STEAP3: variants seen among roughly 807,000 people sequenced by gnomAD.
STEAP3 encodes the protein STEAP3 metalloreductase, also known as metalloreductase STEAP3.
STEAP3 carries 35 observed loss-of-function variants against 34.9 expected under a neutral mutation model. That is an observed-to-expected ratio of 1.00 (90% CI 0.76 to 1.33). STEAP3 has a LOEUF of 1.33. Ranked by LOEUF, STEAP3 falls within the 40% of genes most tolerant of loss-of-function variation. The pLI is 0.00. For missense variants in STEAP3, 652 were observed against 667.6 expected, an observed-to-expected ratio of 0.98 and a Z score of 0.26; for synonymous variants, 281 against 301.6, an observed-to-expected ratio of 0.93 and a Z score of 0.71.
At chr2:119,262,335 TACAC>T (rs3054837) in intron 5 of STEAP3, among the ~76,000 whole-genome samples, 18 of 150,156 alleles carry the variant, frequency 1.2e-4, no homozygotes, top group South Asian at 2.1e-4. Context: ...GTAAAATTTA[TACAC>T]ACACACACAC....
chr2:119,228,389 G>A (rs1327406055), intron 1 of STEAP3, among the ~76,000 whole-genome samples: 2 of 152,196 alleles, frequency 1.3e-5, no homozygotes, highest in Admixed American at 6.5e-5. Context: ...GCCCAGGCCT[G>A]CACATGAGTC....
intron 1 of STEAP3, among the ~76,000 whole-genome samples, chr2:119,227,448 C>A (rs1679076846): frequency 6.6e-6 from 1 of 152,210 alleles, no homozygotes; most frequent in African/African-American, 2.4e-5. Context: ...GTTCGATACT[C>A]AACTCTTCCC....
intron 5 of STEAP3, among the ~76,000 whole-genome samples, chr2:119,262,585 C>T (rs1373825413): frequency 6.6e-6 from 1 of 152,044 alleles, no homozygotes; most frequent in African/African-American, 2.4e-5. Context: ...ACTATGTTGC[C>T]CAGGGTGGTC....
chr2:119,255,614 G>A (rs931061987), intron 5 of STEAP3, among the ~76,000 whole-genome samples: 9 of 151,980 alleles, frequency 5.9e-5, no homozygotes, highest in African/African-American at 4.8e-5. Flanking sequence ...CAAGCTGGGC[G>A]CTGTGGCATG....
rs544480532 is a variant in STEAP3 at position 119,232,870 on chromosome 2, T to G, written c.22+1836T>G. Among the ~76,000 whole-genome samples, 10 of 152,328 alleles carry G rather than the reference T, an allele frequency of 6.6e-5. No homozygotes were observed. The East Asian group carries it at 1.7e-3, about 26-fold the overall frequency. ...GCTAGTTGCATCCTGTTACCTGTGCTGCAGAGCCAAGGGGCCAGAGGCAGG... is the reference window on the plus strand; with the variant it reads ...GCTAGTTGCATCCTGTTACCTGTGCGGCAGAGCCAAGGGGCCAGAGGCAGG... On this transcript the variant is annotated intron_variant, in intron 2 of 5. Coordinates refer to ENST00000393110, the MANE Select transcript of STEAP3 (RefSeq NM_182915.3).
intron 1 of STEAP3, among the ~76,000 whole-genome samples, chr2:119,226,187 A>T (rs886789810): frequency 6.6e-6 from 1 of 152,206 alleles, no homozygotes; most frequent in Non-Finnish European, 1.5e-5. Context: ...CTACAAATGA[A>T]CAACTGAGAG....
At chr2:119,262,916 C>G in intron 5 of STEAP3, 141 bp from the exon 6 acceptor site, 1 of 1,066,890 alleles carries the variant, frequency 9.4e-7, no homozygotes, top group South Asian at 1.5e-5. Flanking sequence ...AAGAGAGTGA[C>G]AGGACTGGGG....
chr2:119,263,370 C>T lies in STEAP3; in HGVS notation c.*32C>T. ...TGCCCTGGGCTCTGGACCCCGGGCA[C>T]ACGAGGGACGGTGCCCTGAGCCCGT... is the stretch of plus-strand genomic sequence containing the variant. On this transcript the variant is annotated 3_prime_UTR_variant, in exon 6 of 6. Coordinates refer to ENST00000393110, the MANE Select transcript of STEAP3 (RefSeq NM_182915.3). The T allele has an allele frequency of 2.5e-6, 4 of 1,600,904 alleles. No individual in the cohort carries two copies. Among genetic ancestry groups the T allele is most frequent in the Non-Finnish European group, 3.4e-6 (4 of 1,174,110 alleles).
intron 2 of STEAP3, among the ~76,000 whole-genome samples, chr2:119,232,675 A>C (rs1056551871): frequency 1.3e-5 from 2 of 152,198 alleles, no homozygotes; most frequent in South Asian, 4.1e-4. Flanking sequence ...AAGACTTTGC[A>C]GAAGCTGTTA....
Position 119,254,668 on chromosome 2 carries a change from C to T in STEAP3, c.1051-16C>T, listed in dbSNP as rs777630049. On this transcript the variant is annotated splice_polypyrimidine_tract_variant and intron_variant, in intron 4 of 5. Transcript: ENST00000393110. ...CTTTGCCACAGTGTTCATGGTTTTC[C>T]TTCCATCCATGTCAGGTCTTGGCCA... 5 of 1,613,854 alleles carry T rather than the reference C, an allele frequency of 3.1e-6. No individual in the cohort carries two copies. The highest frequency in any genetic ancestry group is 2.2e-5 in the East Asian group (1 of 44,870).
intron 5 of STEAP3, among the ~76,000 whole-genome samples, chr2:119,255,667 T>A (rs1677753937): frequency 6.6e-6 from 1 of 151,512 alleles, no homozygotes; most frequent in African/African-American, 2.4e-5. Context: ...GGTGGGAGAA[T>A]CACTTGAGCT....
chr2:119,244,232 A>G (rs1372384393), intron 2 of STEAP3, among the ~76,000 whole-genome samples: 1 of 125,146 alleles, frequency 8.0e-6, no homozygotes, highest in Non-Finnish European at 1.5e-5. Flanking sequence ...TATTATTATT[A>G]TTATTATTAT....
intron 5 of STEAP3, among the ~76,000 whole-genome samples, chr2:119,256,930 A>G (rs146533117): frequency 9.2e-5 from 14 of 152,358 alleles, no homozygotes; most frequent in African/African-American, 2.9e-4. Flanking sequence ...AAAGAAAAAT[A>G]AAAAGCATTT....
intron 5 of STEAP3, among the ~76,000 whole-genome samples, chr2:119,261,231 G>A (rs1677933160): frequency 1.3e-5 from 2 of 152,218 alleles, no homozygotes; most frequent in South Asian, 2.1e-4. Flanking sequence ...CTTCTGAGGG[G>A]AGTGCAAATG....
intron 5 of STEAP3, among the ~76,000 whole-genome samples, chr2:119,260,210 TA>T (rs1301895501): frequency 6.6e-6 from 1 of 151,374 alleles, no homozygotes; most frequent in African/African-American, 2.4e-5. Flanking sequence ...GCAACACCAA[TA>T]AGTCCACAAT....
chr2:119,237,147 G>A (rs561396887), intron 2 of STEAP3, among the ~76,000 whole-genome samples: 2 of 152,174 alleles, frequency 1.3e-5, no homozygotes, highest in Non-Finnish European at 2.9e-5. Context: ...TTTTTCAAAA[G>A]GAAGACAAAC....
rs1676901579 is a variant in STEAP3 at position 119,230,733 on chromosome 2, C to CGAGCAG, written c.-277_-272dup. On this transcript the variant is annotated 5_prime_UTR_variant, in exon 2 of 6. Coordinates refer to ENST00000393110, the MANE Select transcript of STEAP3 (RefSeq NM_182915.3). ...ATTATCACCCGTGAGGTTTCCTCCC[C>CGAGCAG]GAGCAGGAAGCAGCAGGCCAGAGCT... 1.8e-6 allele frequency: 1 copy of CGAGCAG among 549,334 alleles called. No homozygotes were observed. The highest frequency in any genetic ancestry group is 3.3e-6 in the Non-Finnish European group (1 of 303,854). 34.0% of individuals were successfully genotyped at this position (549,334 alleles called of 1,614,324 possible). A position where few individuals can be genotyped will look rare whatever the true frequency, so the allele number is the denominator to read the frequency against.
At position 119,264,874 on chromosome 2, in the gene STEAP3, A is replaced by C. The variant is rs1176152659; in HGVS notation, c.*1536A>C. The C allele has an allele frequency of 2.0e-5, 3 of 151,450 alleles. No homozygotes were observed. Among genetic ancestry groups the C allele is most frequent in the Admixed American group, 1.3e-4 (2 of 15,216 alleles). 9.4% of individuals were successfully genotyped at this position (151,450 alleles called of 1,614,324 possible). A position where few individuals can be genotyped will look rare whatever the true frequency, so the allele number is the denominator to read the frequency against. On this transcript the variant is annotated 3_prime_UTR_variant, in exon 6 of 6. Coordinates refer to ENST00000393110, the MANE Select transcript of STEAP3 (RefSeq NM_182915.3). ...ACATAAGGGTTCTTCAGTGAAAAGC[A>C]GGAGAAGAGCCCACTGCAAGGATAG... is the stretch of plus-strand genomic sequence containing the variant.
intron 2 of STEAP3, among the ~76,000 whole-genome samples, chr2:119,236,169 A>G (rs1262416409): frequency 6.6e-6 from 1 of 152,214 alleles, no homozygotes; most frequent in Non-Finnish European, 1.5e-5. Flanking sequence ...GGGTGCATCT[A>G]TTTCTGCTTT....
Sources: allele counts gnomAD v4.1 joint callset (sites outside exome capture counted in the v4.1 genomes callset), GRCh38; gene constraint gnomAD v4.1.1; transcripts MANE v1.5; gene names NCBI Gene and HGNC (gene_info 2026-07-23, HGNC 2026-07-21).